Variants in LRRC69 observed in about 807,000 individuals in gnomAD.
The protein encoded by LRRC69 is leucine rich repeat containing 69.
A neutral mutation model predicts 37.8 loss-of-function variants in LRRC69; 42 were observed. That is an observed-to-expected ratio of 1.11 (90% CI 0.87 to 1.44). The LOEUF (loss-of-function observed/expected upper bound fraction) is 1.44. Among genes scored for constraint, LRRC69 ranks in the 40% most tolerant of loss-of-function variants. The pLI is 0.00. For missense variants in LRRC69, 357 were observed against 401.9 expected (o/e 0.89, Z 0.96); for synonymous variants, 141 against 143.1 (o/e 0.99, Z 0.11).
At chr8:91,214,144 G>A (rs1039438040) in intron 7 of LRRC69, among the ~76,000 whole-genome samples, 2 of 152,094 alleles carry the variant, frequency 1.3e-5, no homozygotes, top group African/African-American at 4.8e-5. Context: ...TGGGTGTAAG[G>A]TGTGGTGGTG....
At chr8:91,217,535 T>C (rs189629524) in intron 7 of LRRC69, among the ~76,000 whole-genome samples, 1 of 152,178 alleles carries the variant, frequency 6.6e-6, no homozygotes, top group Non-Finnish European at 1.5e-5. Context: ...TCTTGCCTTA[T>C]GTGCTTACCC....
In LRRC69 at chr8:91,128,223, A is replaced by G. The variant is rs190270178; in HGVS notation, c.383+1063A>G. 5.2e-4 allele frequency among the ~76,000 whole-genome samples: 79 copies of G among 152,144 alleles called. 1 individual carries two copies. The East Asian group carries it at 0.015, about 28-fold the overall frequency. ...ATGCCTTTGGACCAGTAATTTAACT[A>G]CTTTGAACTGCTGCCTTCTCATCTC... On this transcript the variant is annotated intron_variant, in intron 3 of 7. Coordinates refer to ENST00000448384, the Ensembl canonical transcript of LRRC69.
chr8:91,170,237 CT>C (rs1809103495), intron 5 of LRRC69, among the ~76,000 whole-genome samples: 1 of 128,340 alleles, frequency 7.8e-6, no homozygotes, highest in Non-Finnish European at 1.6e-5. Context: ...GAGATGGTAT[CT>C]CATTGTGGTT....
At chr8:91,176,134 A>ATATATATATATATATATATATATTTTT in intron 5 of LRRC69, among the ~76,000 whole-genome samples, 1 of 75,698 alleles carries the variant, frequency 1.3e-5, no homozygotes, top group African/African-American at 6.1e-5. Context: ...ATATATATAT[A>ATATATATATATATATATATATATTTTT]TTTTTTTTTT....
intron 6 of LRRC69, among the ~76,000 whole-genome samples, chr8:91,191,119 T>C (rs1031464757): frequency 6.7e-6 from 1 of 150,240 alleles, no homozygotes; most frequent in South Asian, 2.1e-4. Context: ...ACATTTTTAG[T>C]TCCTGTGCAT....
intron 5 of LRRC69, among the ~76,000 whole-genome samples, chr8:91,149,058 G>C (rs36182665): frequency 0.011 from 1,551 of 140,992 alleles, 46 homozygotes; most frequent in Middle Eastern, 0.059. Flanking sequence ...ATGGTACTTT[G>C]TTTTGCTGTG....
At chr8:91,138,106 G>A (rs183682146) in intron 5 of LRRC69, among the ~76,000 whole-genome samples, 1 of 152,000 alleles carries the variant, frequency 6.6e-6, no homozygotes, top group East Asian at 1.9e-4. Flanking sequence ...AGGTTGTTAT[G>A]TCAAATAGTG....
rs189950949 is a variant in LRRC69, at chr8:91,172,677, G to A, written c.652-16845G>A. ...ACTACAGTCATGCACCACCACACTC[G>A]GCTAATTTTGTATTTTTAGTAGAGA... On this transcript the variant is annotated intron_variant, in intron 5 of 7. Transcript: ENST00000448384. Among the ~76,000 whole-genome samples, 22 of 151,834 alleles carry A rather than the reference G, an allele frequency of 1.4e-4. No homozygotes were observed. The East Asian group carries it at 3.5e-3, about 24-fold the overall frequency.
intron 7 of LRRC69, chr8:91,206,951 T>C (rs1387074228): frequency 6.2e-6 from 5 of 803,882 alleles, no homozygotes; most frequent in Non-Finnish European, 8.3e-6. Context: ...ATGTTTCCTA[T>C]GCTTTTCCAA....
chr8:91,204,409 A>G (rs1809764163), intron 7 of LRRC69, among the ~76,000 whole-genome samples: 1 of 152,264 alleles, frequency 6.6e-6, no homozygotes, highest in Non-Finnish European at 1.5e-5. Context: ...GTGAAGGAGT[A>G]AATCCACTGT....
intron 5 of LRRC69, among the ~76,000 whole-genome samples, chr8:91,161,698 T>C (rs1808948311): frequency 6.6e-6 from 1 of 151,336 alleles, no homozygotes; most frequent in Non-Finnish European, 1.5e-5. Context: ...TCTAATGCCA[T>C]GTTGATTTTG....
intron 5 of LRRC69, among the ~76,000 whole-genome samples, chr8:91,152,314 A>T (rs1018456419): frequency 1.3e-5 from 2 of 151,660 alleles, no homozygotes; most frequent in African/African-American, 4.8e-5. Context: ...CATAAGGTGT[A>T]AGGAAGGGGT....
At chr8:91,209,869 A>C (rs1809875035) in intron 7 of LRRC69, among the ~76,000 whole-genome samples, 1 of 152,206 alleles carries the variant, frequency 6.6e-6, no homozygotes, top group Non-Finnish European at 1.5e-5. Flanking sequence ...GTGCTTTTCC[A>C]CTTACAAAAT....
chr8:91,197,484 C>A (rs1261483779), intron 6 of LRRC69, among the ~76,000 whole-genome samples: 1 of 152,038 alleles, frequency 6.6e-6, no homozygotes, highest in Non-Finnish European at 1.5e-5. Context: ...GCTGTGCTAG[C>A]AATCAGCGAG....
intron 7 of LRRC69, among the ~76,000 whole-genome samples, chr8:91,201,752 G>A (rs770985931): frequency 4.6e-5 from 7 of 152,062 alleles, no homozygotes; most frequent in Non-Finnish European, 7.4e-5. Context: ...AAAAACAGCT[G>A]CAGTTTCTGC....
At chr8:91,124,899 C>T in intron 2 of LRRC69, 1 of 245,938 alleles carries the variant, frequency 4.1e-6, no homozygotes, top group South Asian at 7.1e-5. Context: ...TCTGGGGACC[C>T]TTTTCCTAAG....
chr8:91,142,619 G>A (rs1259844933), intron 5 of LRRC69, among the ~76,000 whole-genome samples: 6 of 152,002 alleles, frequency 3.9e-5, no homozygotes, highest in Non-Finnish European at 8.8e-5. Context: ...TAGGATTTCT[G>A]AGTCAGTAGG....
intron 5 of LRRC69, among the ~76,000 whole-genome samples, chr8:91,152,021 T>A (rs1216053885): frequency 6.6e-6 from 1 of 151,770 alleles, no homozygotes; most frequent in Non-Finnish European, 1.5e-5. Flanking sequence ...AAGTTCCTTG[T>A]AAATTCTGAA....
rs573831154 is a variant in LRRC69 at position 91,197,671 on chromosome 8, C to G, written c.754-2942C>G. Among the ~76,000 whole-genome samples, 6 of 152,274 alleles carry G rather than the reference C, an allele frequency of 3.9e-5. No homozygotes were observed. In the East Asian group the frequency reaches 7.7e-4, roughly 20 times the overall value. The stretch of plus-strand genomic sequence containing the variant: ...GAACTCCCTGACCCCTTGCGCTTCC[C>G]GAGTGAGGCAATGCCTCACCCTGCT... On this transcript the variant is annotated intron_variant, in intron 6 of 7. Coordinates refer to ENST00000448384, the Ensembl canonical transcript of LRRC69.
Sources: gnomAD v4.1 joint callset for allele counts (sites outside exome capture counted in the v4.1 genomes callset) on GRCh38, gnomAD v4.1.1 for gene constraint, MANE v1.5 for transcripts, NCBI Gene and HGNC (gene_info 2026-07-23, HGNC 2026-07-21) for gene names.